TNKS: variants seen among roughly 807,000 people sequenced by gnomAD.
TNKS encodes poly [ADP-ribose] polymerase tankyrase-1.
In TNKS, 72 loss-of-function variants were observed where a neutral mutation model predicts 135.8. The ratio of observed to expected loss-of-function variants is 0.53; its 90% confidence interval spans 0.44 to 0.64. TNKS has a LOEUF of 0.64. Among genes scored for constraint, TNKS ranks in the 30% least tolerant of loss-of-function variants. The pLI is 0.00. For synonymous variants in TNKS, 849 were observed against 649.3 expected (o/e 1.31, Z -4.68); for missense variants, 1,769 against 1,674.0 (o/e 1.06, Z -0.99).
chr8:9,558,199 T>TA (rs1257995342), intron 1 of TNKS: 2 of 152,238 alleles, frequency 1.3e-5, no homozygotes, highest in Non-Finnish European at 2.9e-5. Context: ...GTTTCATTTT[T>TA]AGCAAATGCT....
intron 20 of TNKS, 28 bp from the exon 21 acceptor site, chr8:9,761,488 T>C (rs1413924747): frequency 6.2e-7 from 1 of 1,611,646 alleles, no homozygotes; most frequent in Admixed American, 1.7e-5. Context: ...GTTAAAGATA[T>C]CCTAGCTAAT....
At chr8:9,710,324 A>G in intron 11 of TNKS, 104 bp downstream of exon 11, 1 of 1,039,940 alleles carries the variant, frequency 9.6e-7, no homozygotes, top group African/African-American at 1.6e-5. Flanking sequence ...CTAATTTTAT[A>G]AAGGACTATT....
At position 9,776,463 on chromosome 8, in the gene TNKS, G is replaced by T. The variant is rs868250035; in HGVS notation, c.3898-187G>T. 2.6e-5 allele frequency among the ~76,000 whole-genome samples: 4 copies of T among 152,316 alleles called. No individual in the cohort carries two copies. In the South Asian group the frequency reaches 8.3e-4, roughly 32 times the overall value. ...GAAATAACATTCAGTTTTCTAGATT[G>T]TAGGGTTTATACACATTTATTTACA... is the stretch of plus-strand genomic sequence containing the variant. On this transcript the variant is annotated intron_variant, in intron 26 of 26. Coordinates refer to ENST00000310430, the MANE Select transcript of TNKS (RefSeq NM_003747.3).
At position 9,692,751 on chromosome 8, in the gene TNKS, A is replaced by T. The variant is rs1406114318; in HGVS notation, c.1108-11912A>T. Among the ~76,000 whole-genome samples the T allele has an allele frequency of 5.3e-5, 8 of 152,256 alleles. No homozygotes were observed. In the East Asian group the frequency reaches 1.5e-3, roughly 29 times the overall value. On this transcript the variant is annotated intron_variant, in intron 5 of 26. Coordinates refer to ENST00000310430, the MANE Select transcript of TNKS (RefSeq NM_003747.3). ...CATCTCACCTCGTTAATCAATATTT[A>T]TTTTCCACAAGGTTTCTCTTTTAAA...
At chr8:9,631,631 T>C (rs1259805443) in intron 3 of TNKS, among the ~76,000 whole-genome samples, 2 of 152,206 alleles carry the variant, frequency 1.3e-5, no homozygotes, top group Non-Finnish European at 2.9e-5. Flanking sequence ...GTCTACAGAA[T>C]TTTAAGTTTT....
rs1808388679 is a variant in TNKS at position 9,779,910 on chromosome 8, A to T, written c.*3174A>T. On this transcript the variant is annotated 3_prime_UTR_variant, in exon 27 of 27. Transcript: ENST00000310430. ...AAGCAGCATAAGTAGAATCAACATT[A>T]GGATGTTTTCATGAAATAGCATCCT... 6.6e-6 allele frequency: 1 copy of T among 152,214 alleles called. No individual in the cohort carries two copies. The highest frequency in any genetic ancestry group is 2.4e-5 in the African/African-American group (1 of 41,460). The allele number at this position is 152,214 out of a possible 1,614,324, so 9.4% of individuals were successfully genotyped here. A position where few individuals can be genotyped will look rare whatever the true frequency, so the allele number is the denominator to read the frequency against.
chr8:9,629,664 C>G (rs1339565760), intron 3 of TNKS, among the ~76,000 whole-genome samples: 1 of 152,122 alleles, frequency 6.6e-6, no homozygotes, highest in African/African-American at 2.4e-5. Context: ...TAACTACTTT[C>G]TCTTTTTGGT....
intron 17 of TNKS, among the ~76,000 whole-genome samples, chr8:9,746,690 C>T (rs1392098021): frequency 6.6e-6 from 1 of 152,050 alleles, no homozygotes; most frequent in East Asian, 1.9e-4. Flanking sequence ...CAGTCCTCAG[C>T]CCTCCATAGG....
intron 2 of TNKS, among the ~76,000 whole-genome samples, chr8:9,594,753 T>C (rs1354445292): frequency 4.6e-5 from 7 of 152,236 alleles, no homozygotes; most frequent in Non-Finnish European, 1.0e-4. Context: ...TTGTACCATT[T>C]TATAAACAGT....
At chr8:9,735,743 T>C (rs1805669779) in intron 17 of TNKS, among the ~76,000 whole-genome samples, 2 of 152,018 alleles carry the variant, frequency 1.3e-5, no homozygotes, top group African/African-American at 2.4e-5. Context: ...GAGCTTGCAG[T>C]GAGCCCAGAT....
intron 3 of TNKS, among the ~76,000 whole-genome samples, chr8:9,639,190 C>G (rs939139808): frequency 2.0e-5 from 3 of 152,156 alleles, no homozygotes; most frequent in Non-Finnish European, 2.9e-5. Context: ...AATAACAGTA[C>G]TACCTTGTAA....
chr8:9,684,100 C>T (rs1194163247), intron 5 of TNKS, among the ~76,000 whole-genome samples: 1 of 151,932 alleles, frequency 6.6e-6, no homozygotes, highest in East Asian at 1.9e-4. Context: ...TAGTCATCTT[C>T]TACCTTCTGC....
At chr8:9,634,735 T>A (rs1467997936) in intron 3 of TNKS, among the ~76,000 whole-genome samples, 1 of 152,064 alleles carries the variant, frequency 6.6e-6, no homozygotes, top group Non-Finnish European at 1.5e-5. Flanking sequence ...GAGACCCCAA[T>A]AGCAGTGGAG....
At chr8:9,662,347 A>G (rs528685838) in intron 3 of TNKS, among the ~76,000 whole-genome samples, 7 of 152,344 alleles carry the variant, frequency 4.6e-5, no homozygotes, top group East Asian at 3.9e-4. Flanking sequence ...AACCAACCCA[A>G]ATGTCCATCA....
intron 8 of TNKS, 85 bp from the exon 9 acceptor site, chr8:9,708,286 A>T: frequency 8.5e-7 from 1 of 1,177,016 alleles, no homozygotes; most frequent in Non-Finnish European, 1.2e-6. Context: ...ATAAAATAAT[A>T]ATATTCCTAC....
At chr8:9,708,238 A>C (rs1055163918) in intron 8 of TNKS, 133 bp from the exon 9 acceptor site, 11 of 764,882 alleles carry the variant, frequency 1.4e-5, no homozygotes, top group Non-Finnish European at 2.1e-5. Context: ...TTATCATCAT[A>C]TTATCACATT....
At chr8:9,618,565 T>C (rs1186407688) in intron 3 of TNKS, among the ~76,000 whole-genome samples, 1 of 152,174 alleles carries the variant, frequency 6.6e-6, no homozygotes, top group Non-Finnish European at 1.5e-5. Flanking sequence ...GTATTTAGAT[T>C]TTTCGTTTGT....
At position 9,781,483 on chromosome 8, in the gene TNKS, C is replaced by T. The variant is rs988180243; in HGVS notation, c.*4747C>T. 3 of 152,154 alleles carry T rather than the reference C, an allele frequency of 2.0e-5. No homozygotes were observed. The highest frequency in any genetic ancestry group is 4.8e-5 in the African/African-American group (2 of 41,418). 9.4% of individuals were successfully genotyped at this position (152,154 alleles called of 1,614,324 possible). A position where few individuals can be genotyped will look rare whatever the true frequency, so the allele number is the denominator to read the frequency against. On this transcript the variant is annotated 3_prime_UTR_variant, in exon 27 of 27. Transcript: ENST00000310430. ...AGGAAAGAACACAGATCTTTGAGGC[C>T]GATAGCCTAGACCTAGAAGATGACC... is the stretch of plus-strand genomic sequence containing the variant.
chr8:9,622,970 G>C (rs1025204533), intron 3 of TNKS, among the ~76,000 whole-genome samples: 9 of 152,018 alleles, frequency 5.9e-5, no homozygotes, highest in African/African-American at 1.9e-4. Flanking sequence ...TCATAAATTA[G>C]GCACAGTAAG....
Sources: gnomAD v4.1 joint callset for allele counts (sites outside exome capture counted in the v4.1 genomes callset) on GRCh38, gnomAD v4.1.1 for gene constraint, MANE v1.5 for transcripts, NCBI Gene and HGNC (gene_info 2026-07-23, HGNC 2026-07-21) for gene names.